The following ZNF536 variants were observed in gnomAD, a reference collection of about 807,000 sequenced individuals.
ZNF536 encodes the protein zinc finger protein 536.
A neutral mutation model predicts 84.5 loss-of-function variants in ZNF536; 13 were observed. The observed-to-expected ratio is 0.15, with a 90% confidence interval of 0.10 to 0.24. The LOEUF is 0.24. Ranked by LOEUF, ZNF536 falls within the 10% of genes least tolerant of loss-of-function variation. The probability of loss-of-function intolerance (pLI) is 1.00; values close to 1 mark genes in which losing one functional copy is unlikely to be tolerated. For missense variants in ZNF536, 1,536 were observed against 1,747.5 expected, an observed-to-expected ratio of 0.88 and a Z score of 2.16; for synonymous variants, 811 against 742.5, an observed-to-expected ratio of 1.09 and a Z score of -1.50.
At chr19:30,446,144 G>A (rs2052323024) in intron 2 of ZNF536, among the ~76,000 whole-genome samples, 1 of 148,256 alleles carries the variant, frequency 6.7e-6, no homozygotes, top group Non-Finnish European at 1.5e-5. Flanking sequence ...AGCTATTCGG[G>A]AGGCTAAGGC....
intron 1 of ZNF536, among the ~76,000 whole-genome samples, chr19:30,703,770 G>A (rs2052099429): frequency 6.6e-6 from 1 of 152,188 alleles, no homozygotes; most frequent in South Asian, 2.1e-4. Context: ...CGACATCTTG[G>A]AGTTCTTCGT....
intron 1 of ZNF536, among the ~76,000 whole-genome samples, chr19:30,412,690 C>T (rs1422084752): frequency 6.6e-6 from 1 of 151,708 alleles, no homozygotes; most frequent in Non-Finnish European, 1.5e-5. Flanking sequence ...TCTCCTCTTT[C>T]TCCTCCCTCC....
intron 2 of ZNF536, among the ~76,000 whole-genome samples, chr19:30,493,367 C>A (rs953714697): frequency 2.0e-5 from 3 of 152,080 alleles, no homozygotes; most frequent in East Asian, 1.9e-4. Flanking sequence ...AACGAGGTAA[C>A]AAGGCAGTAG....
intron 2 of ZNF536, among the ~76,000 whole-genome samples, chr19:30,348,793 C>T (rs2047830481): frequency 6.8e-6 from 1 of 147,720 alleles, no homozygotes; most frequent in African/African-American, 2.5e-5. Context: ...AGTTTCCATC[C>T]ATTTTCTTTT....
chr19:30,647,043 G>T (rs1429091984), intron 1 of ZNF536, among the ~76,000 whole-genome samples: 2 of 152,102 alleles, frequency 1.3e-5, no homozygotes, highest in Non-Finnish European at 2.9e-5. Context: ...TTAGTCCTTT[G>T]TGAGTCAGTG....
At chr19:30,350,259 C>G (rs936345585) in intron 2 of ZNF536, among the ~76,000 whole-genome samples, 12 of 152,222 alleles carry the variant, frequency 7.9e-5, no homozygotes, top group Admixed American at 4.6e-4. Context: ...CTGCATCACT[C>G]AAAACAGCTT....
intron 1 of ZNF536, among the ~76,000 whole-genome samples, chr19:30,629,225 G>C (rs113567870): frequency 0.017 from 2,542 of 152,090 alleles, 34 homozygotes; most frequent in Non-Finnish European, 0.026. Flanking sequence ...TTGAGACAGA[G>C]TCTTACTCTG....
intron 2 of ZNF536, among the ~76,000 whole-genome samples, chr19:30,315,568 G>A (rs925929895): frequency 6.6e-6 from 1 of 152,216 alleles, no homozygotes; most frequent in African/African-American, 2.4e-5. Context: ...AGGAGGAGGG[G>A]CAGCCTGAAG....
At chr19:30,677,254 A>T (rs1414964917) in intron 1 of ZNF536, among the ~76,000 whole-genome samples, 1 of 152,048 alleles carries the variant, frequency 6.6e-6, no homozygotes, top group Non-Finnish European at 1.5e-5. Flanking sequence ...CCAGCCTCTG[A>T]TGGTTTTCTT....
chr19:30,662,857 A>C (rs781141985), intron 1 of ZNF536, among the ~76,000 whole-genome samples: 3 of 151,818 alleles, frequency 2.0e-5, no homozygotes, highest in Non-Finnish European at 4.4e-5. Flanking sequence ...GATGTGAACT[A>C]TTCATCAACA....
chr19:30,645,813 C>T (rs1022775853), intron 1 of ZNF536, among the ~76,000 whole-genome samples: 4 of 152,200 alleles, frequency 2.6e-5, no homozygotes, highest in Admixed American at 6.5e-5. Context: ...GGGAGCTTCC[C>T]ATCTAGACAC....
intron 2 of ZNF536, among the ~76,000 whole-genome samples, chr19:30,486,619 T>C (rs1244498754): frequency 1.3e-5 from 2 of 152,214 alleles, no homozygotes; most frequent in Admixed American, 1.3e-4. Flanking sequence ...ATATACCTAG[T>C]AATGAGATTG....
intron 2 of ZNF536, among the ~76,000 whole-genome samples, chr19:30,315,052 C>T (rs1027585484): frequency 2.0e-5 from 3 of 152,252 alleles, no homozygotes; most frequent in Non-Finnish European, 4.4e-5. Flanking sequence ...CTTGGCACTT[C>T]TGCTTATTCT....
intron 3 of ZNF536, among the ~76,000 whole-genome samples, chr19:30,353,567 C>T (rs2048002932): frequency 6.6e-6 from 1 of 152,212 alleles, no homozygotes; most frequent in Admixed American, 6.5e-5. Context: ...CACTGGGTCT[C>T]CCCTAGGCAT....
chr19:30,383,703 CTTTCTT>C (rs2049134749), intron 1 of ZNF536, among the ~76,000 whole-genome samples: 2 of 35,344 alleles, frequency 5.7e-5, no homozygotes, highest in Non-Finnish European at 1.3e-4. Flanking sequence ...TTTTCTTTCT[CTTTCTT>C]TCTTTCTTTC....
chr19:30,565,132 A>G (rs941699319), intron 1 of ZNF536, among the ~76,000 whole-genome samples: 4 of 149,354 alleles, frequency 2.7e-5, no homozygotes, highest in Non-Finnish European at 5.9e-5. Flanking sequence ...GGAAAGCTCA[A>G]CCCCTCTGGG....
At chr19:30,664,229 TC>T (rs2050231687) in intron 1 of ZNF536, among the ~76,000 whole-genome samples, 1 of 137,444 alleles carries the variant, frequency 7.3e-6, no homozygotes, top group East Asian at 2.0e-4. Flanking sequence ...TCTCTCTCTC[TC>T]TCTCTCTCTC....
chr19:30,338,483 GTGA>G (rs113886104), intron 2 of ZNF536, among the ~76,000 whole-genome samples: 123 of 149,436 alleles, frequency 8.2e-4, no homozygotes, highest in Middle Eastern at 3.4e-3. Flanking sequence ...AATGATGATA[GTGA>G]TGATGATGAT....
upstream of ZNF536, among the ~76,000 whole-genome samples, chr19:30,371,824 A>ATATG (rs1311318353): frequency 8.6e-5 from 13 of 151,502 alleles, no homozygotes; most frequent in Non-Finnish European, 1.6e-4. Flanking sequence ...ATATGCATAT[A>ATATG]TATGTGTGTG....
Sources: gnomAD v4.1 joint callset for allele counts (sites outside exome capture counted in the v4.1 genomes callset) on GRCh38, gnomAD v4.1.1 for gene constraint, MANE v1.5 for transcripts, NCBI Gene and HGNC (gene_info 2026-07-23, HGNC 2026-07-21) for gene names.